Variants in SNX5 observed in about 807,000 individuals in gnomAD.
SNX5 encodes sorting nexin-5.
A neutral mutation model predicts 53.9 loss-of-function variants in SNX5; 31 were observed. That is an observed-to-expected ratio of 0.58 (90% CI 0.43 to 0.78). The LOEUF is 0.78. SNX5 is among the 30% of genes least tolerant of loss of function. The pLI, the probability that SNX5 is intolerant of heterozygous loss-of-function variation, is 0.00. For synonymous variants in SNX5, 168 were observed against 171.1 expected, an observed-to-expected ratio of 0.98 and a Z score of 0.14; for missense variants, 471 against 478.8, an observed-to-expected ratio of 0.98 and a Z score of 0.15.
In SNX5 at chr20:17,950,283, A is replaced by AT; in HGVS notation, c.715+7dup. On this transcript the variant is annotated splice_region_variant and intron_variant, in intron 7 of 12. Transcript: ENST00000377759. ...GCAAAGCTCTGACTAGCGGTAAATGATATTTACTTTTATGAGATCTGGTCA... is the reference window on the plus strand; with the variant it reads ...GCAAAGCTCTGACTAGCGGTAAATGATTATTTACTTTTATGAGATCTGGTCA... 6.2e-7 allele frequency: 1 copy of AT among 1,606,872 alleles called. No individual in the cohort carries two copies. Among genetic ancestry groups the AT allele is most frequent in the Non-Finnish European group, 8.5e-7 (1 of 1,173,426 alleles).
At chr20:17,961,855 T>G (rs1204451718) in intron 1 of SNX5, 9 of 985,448 alleles carry the variant, frequency 9.1e-6, no homozygotes, top group Non-Finnish European at 1.1e-5. Flanking sequence ...CCTGCCTCCT[T>G]GATCAGATTT....
chr20:17,962,737 G>A (rs767317270), intron 1 of SNX5: 2 of 519,150 alleles, frequency 3.9e-6, no homozygotes, highest in Non-Finnish European at 7.7e-6. Flanking sequence ...ACTCATCTTT[G>A]TGAGATGGGT....
intron 11 of SNX5, chr20:17,944,839 C>T (rs890845681): frequency 6.6e-6 from 1 of 152,252 alleles, no homozygotes; most frequent in African/African-American, 2.4e-5. Context: ...GCCACTGCAC[C>T]CAGCCCTTTT....
chr20:17,956,700 A>C lies in SNX5; in HGVS notation c.156+233T>G, dbSNP rs1042424301. Among the ~76,000 whole-genome samples, 127 of 113,524 alleles carry C rather than the reference A, an allele frequency of 1.1e-3. 1 individual carries two copies. The highest frequency in any genetic ancestry group is 2.8e-3 in the African/African-American group (96 of 33,958). 74.5% of individuals were successfully genotyped at this position (113,524 alleles called of 152,430 possible). A position where few individuals can be genotyped will look rare whatever the true frequency, so the allele number is the denominator to read the frequency against. ...AAAAAAAAAAAAAAAAAAAAAAAAA[A>C]AAAACAAAAAAACAATGCCCACAGC... On this transcript the variant is annotated intron_variant, in intron 2 of 12. Transcript: ENST00000377759.
intron 1 of SNX5, chr20:17,961,523 C>T (rs908438054): frequency 8.1e-6 from 8 of 985,280 alleles, no homozygotes; most frequent in Non-Finnish European, 9.6e-6. Flanking sequence ...ATCTAATAGT[C>T]ATTTGTATAC....
intron 2 of SNX5, among the ~76,000 whole-genome samples, chr20:17,955,998 G>A (rs757733958): frequency 6.6e-6 from 1 of 152,098 alleles, no homozygotes; most frequent in Non-Finnish European, 1.5e-5. Context: ...TTTTTGCCAT[G>A]TTGCCCAGGC....
At position 17,968,760 on chromosome 20, in the gene SNX5, C is replaced by A. The variant is rs2035624554; in HGVS notation, c.-335G>T. 5.6e-6 allele frequency: 2 copies of A among 358,352 alleles called. No individual in the cohort carries two copies. Among genetic ancestry groups the A allele is most frequent in the East Asian group, 1.1e-4 (2 of 17,914 alleles). 22.2% of individuals were successfully genotyped at this position (358,352 alleles called of 1,614,324 possible). On this transcript the variant is annotated 5_prime_UTR_variant, in exon 1 of 13. Transcript: ENST00000377759. ...GGGCCGCGACACGGACGGGAAGCAACGGACACTCTCCCAGCAAGACGCGTC... is the reference window on the plus strand; with the variant it reads ...GGGCCGCGACACGGACGGGAAGCAAAGGACACTCTCCCAGCAAGACGCGTC...
intron 5 of SNX5, among the ~76,000 whole-genome samples, chr20:17,952,208 G>A (rs141754362): frequency 2.3e-3 from 345 of 152,278 alleles, no homozygotes; most frequent in Non-Finnish European, 3.6e-3. Context: ...GGATGACAGA[G>A]CGAGATTCTG....
intron 1 of SNX5, chr20:17,962,172 T>C (rs1337956141): frequency 6.1e-6 from 1 of 165,272 alleles, no homozygotes; most frequent in Non-Finnish European, 1.2e-5. Flanking sequence ...CTGGTTCAAC[T>C]AACTATAAGC....
At chr20:17,959,191 G>A (rs2035410610) in intron 1 of SNX5, among the ~76,000 whole-genome samples, 1 of 152,188 alleles carries the variant, frequency 6.6e-6, no homozygotes, top group Non-Finnish European at 1.5e-5. Flanking sequence ...GAGGACCCAA[G>A]GGGGATGTAA....
chr20:17,951,715 T>A (rs1357931441), intron 5 of SNX5, 120 bp from the exon 6 acceptor site: 1 of 646,818 alleles, frequency 1.5e-6, no homozygotes, highest in East Asian at 2.8e-5. Context: ...GCATAAAGTA[T>A]CTTTAATTCT....
rs997815936 is a variant in SNX5, at chr20:17,968,475, A to C, written c.-50T>G. The C allele has an allele frequency of 4.0e-5, 52 of 1,284,746 alleles. No individual in the cohort carries two copies. The highest frequency in any genetic ancestry group is 6.2e-5 in the East Asian group (2 of 32,004). The allele number at this position is 1,284,746 out of a possible 1,614,324, so 79.6% of individuals were successfully genotyped here. The stretch of plus-strand genomic sequence containing the variant: ...CCGCCTGGCTGTGCGAGGAAAGAAG[A>C]AGCTGGGCCGCCGCCGCCGCCGCCT... On this transcript the variant is annotated 5_prime_UTR_variant, in exon 1 of 13. Transcript: ENST00000377759.
chr20:17,946,402 T>C (rs549449354), intron 11 of SNX5, among the ~76,000 whole-genome samples: 8 of 152,328 alleles, frequency 5.3e-5, no homozygotes, highest in South Asian at 4.1e-4. Flanking sequence ...AAGATTAGCA[T>C]GGCCTATCAC....
At chr20:17,942,734 C>A in intron 12 of SNX5, 1 of 397,970 alleles carries the variant, frequency 2.5e-6, no homozygotes, top group Non-Finnish European at 4.5e-6. Context: ...TCCATGAAGG[C>A]AAGGGCCTTG....
At chr20:17,952,758 C>T (rs2039588664) in intron 4 of SNX5, 48 bp from the exon 5 acceptor site, 2 of 1,599,640 alleles carry the variant, frequency 1.3e-6, no homozygotes, top group African/African-American at 2.7e-5. Flanking sequence ...GCTCAACTAC[C>T]TGACCAATAC....
chr20:17,957,021 A>G lies in SNX5; in HGVS notation c.68T>C (p.Val23Ala). 1 of 1,591,314 alleles carries G rather than the reference A, an allele frequency of 6.3e-7. No individual in the cohort carries two copies. The highest frequency in any genetic ancestry group is 1.1e-5 in the South Asian group (1 of 90,632). Reference protein sequence around the residue: ...EDRSKLRSVSVDLNVDPSLQI... With the variant: ...EDRSKLRSVSADLNVDPSLQI... ...AAGCGAGGGATCAACATTCAGGTCC[A>G]CAGATACAGATCTCAGCTGAAATAC... is the stretch of plus-strand genomic sequence containing the variant. The change falls in exon 2 of 13, where the codon GTG becomes GCG. Residue 23 changes from valine (V) to alanine (A), a missense_variant. Physicochemically the swap from Val to Ala is moderately conservative, Grantham distance 64 (BLOSUM62 0). Coordinates refer to ENST00000377759, the MANE Select transcript of SNX5 (RefSeq NM_014426.4).
intron 1 of SNX5, among the ~76,000 whole-genome samples, chr20:17,966,130 A>C (rs2035532972): frequency 6.6e-6 from 1 of 152,144 alleles, no homozygotes; most frequent in Non-Finnish European, 1.5e-5. Flanking sequence ...GTTACTGTCA[A>C]GGAAGGAGAA....
At chr20:17,953,810 G>A (rs2035306757) in intron 4 of SNX5, among the ~76,000 whole-genome samples, 186 bp downstream of exon 4, 1 of 152,174 alleles carries the variant, frequency 6.6e-6, no homozygotes, top group African/African-American at 2.4e-5. Context: ...GAATCAATGT[G>A]TGAAGTACAA....
At chr20:17,965,331 G>A (rs1037741766) in intron 1 of SNX5, among the ~76,000 whole-genome samples, 13 of 152,186 alleles carry the variant, frequency 8.5e-5, no homozygotes, top group African/African-American at 3.1e-4. Context: ...TGCTCCCCAG[G>A]TTGAGAAACT....
Sources: gnomAD v4.1 joint callset for allele counts (sites outside exome capture counted in the v4.1 genomes callset) on GRCh38, gnomAD v4.1.1 for gene constraint, MANE v1.5 for transcripts, NCBI Gene and HGNC (gene_info 2026-07-23, HGNC 2026-07-21) for gene names.